Variants in RNLS observed in about 807,000 individuals in gnomAD.
RNLS encodes renalase.
Under a neutral mutation model 39.8 loss-of-function variants are expected in RNLS, and 39 were observed. The ratio of observed to expected loss-of-function variants is 0.98; its 90% CI spans 0.76 to 1.28. The LOEUF (loss-of-function observed/expected upper bound fraction) is 1.28. Ranked by LOEUF, RNLS falls within the 50% of genes most tolerant of loss-of-function variation. RNLS has a pLI of 0.00. For synonymous variants in RNLS, 147 were observed against 150.7 expected (o/e 0.98, Z 0.18); for missense variants, 410 against 413.3 (o/e 0.99, Z 0.07).
chr10:88,237,738 A>G, the RNLS span, among the ~76,000 whole-genome samples: 56,288 of 152,018 alleles, frequency 0.37, 10,814 homozygotes, highest in Non-Finnish European at 0.42. Flanking sequence ...CTATCAATGA[A>G]CAAATCTATC....
rs551242324 is a variant in RNLS at position 88,330,029 on chromosome 10, C to T, written c.701-15388G>A. Among the ~76,000 whole-genome samples, 10 of 147,128 alleles carry T rather than the reference C, an allele frequency of 6.8e-5. No homozygotes were observed. The South Asian group carries it at 1.3e-3, about 19-fold the overall frequency. ...TTTTTTTGTTGTTGTTCTTGTTGGA[C>T]GACTATTGCTCATAATTGCATGGTT... On this transcript the variant is annotated intron_variant, in intron 5 of 6. Coordinates refer to ENST00000331772, the MANE Select transcript of RNLS (RefSeq NM_001031709.3).
chr10:88,254,258 G>A, the RNLS span, among the ~76,000 whole-genome samples: 1 of 152,192 alleles, frequency 6.6e-6, no homozygotes, highest in African/African-American at 2.4e-5. Context: ...TGGTGTAACT[G>A]TGACCCTGCC....
At chr10:88,354,089 T>C (rs1848950486) in intron 5 of RNLS, among the ~76,000 whole-genome samples, 1 of 152,212 alleles carries the variant, frequency 6.6e-6, no homozygotes, top group Non-Finnish European at 1.5e-5. Context: ...TCCATCCCTT[T>C]ATTTTGAGCC....
downstream of RNLS, among the ~76,000 whole-genome samples, chr10:88,271,456 T>C (rs1842647734): frequency 6.6e-6 from 1 of 152,218 alleles, no homozygotes; most frequent in South Asian, 2.1e-4. Context: ...CAACACTGTT[T>C]ATGACTCACC....
At chr10:88,329,389 A>G (rs1846908838) in intron 5 of RNLS, among the ~76,000 whole-genome samples, 1 of 151,992 alleles carries the variant, frequency 6.6e-6, no homozygotes, top group South Asian at 2.1e-4. Context: ...GGTCCTTTGC[A>G]GTTAATTTTT....
intron 6 of RNLS, among the ~76,000 whole-genome samples, chr10:88,287,455 TATTTA>T (rs769868495): frequency 2.0e-5 from 3 of 152,170 alleles, no homozygotes; most frequent in Non-Finnish European, 4.4e-5. Context: ...CAAGTTGGAT[TATTTA>T]ATTTGTCAGT....
At chr10:88,177,219 A>G in the RNLS span, among the ~76,000 whole-genome samples, 2 of 152,058 alleles carry the variant, frequency 1.3e-5, no homozygotes, top group African/African-American at 4.8e-5. Context: ...TTATGCAAAT[A>G]TTTATTTGTG....
the RNLS span, among the ~76,000 whole-genome samples, chr10:88,175,077 T>C: frequency 6.6e-6 from 1 of 152,194 alleles, no homozygotes; most frequent in Non-Finnish European, 1.5e-5. Context: ...AATTATCCTT[T>C]GTATTTCTGT....
intron 4 of RNLS, among the ~76,000 whole-genome samples, chr10:88,543,529 C>T (rs929268186): frequency 6.6e-6 from 1 of 152,008 alleles, no homozygotes; most frequent in South Asian, 2.1e-4. Flanking sequence ...AAAGTTTAAT[C>T]TGATTAAAAA....
At chr10:88,578,816 A>G (rs1850356557) in intron 3 of RNLS, among the ~76,000 whole-genome samples, 1 of 152,178 alleles carries the variant, frequency 6.6e-6, no homozygotes, top group African/African-American at 2.4e-5. Context: ...GATAGATGCA[A>G]TGTATTCAAA....
At chr10:88,551,873 A>G (rs1848620275) in intron 4 of RNLS, among the ~76,000 whole-genome samples, 1 of 152,184 alleles carries the variant, frequency 6.6e-6, no homozygotes, top group African/African-American at 2.4e-5. Context: ...ATGGGTACTC[A>G]TAAGTTGGAG....
the RNLS span, among the ~76,000 whole-genome samples, chr10:88,226,402 T>C: frequency 6.6e-6 from 1 of 152,162 alleles, no homozygotes; most frequent in Non-Finnish European, 1.5e-5. Context: ...ATCTAAGACT[T>C]ATGAGGTCCC....
intron 4 of RNLS, among the ~76,000 whole-genome samples, chr10:88,475,853 T>TA (rs1843794801): frequency 6.6e-6 from 1 of 152,236 alleles, no homozygotes; most frequent in African/African-American, 2.4e-5. Context: ...TTTCAAAAAT[T>TA]AAAAAATTAA....
At chr10:88,203,368 GTA>G in the RNLS span, among the ~76,000 whole-genome samples, 44 of 1,764 alleles carry the variant, frequency 0.025, 5 homozygotes, top group South Asian at 0.074. Context: ...GTATGTGTGT[GTA>G]TATATATATA....
At chr10:88,179,619 A>G in the RNLS span, among the ~76,000 whole-genome samples, 1 of 152,232 alleles carries the variant, frequency 6.6e-6, no homozygotes, top group Non-Finnish European at 1.5e-5. Context: ...GGAAATATAG[A>G]GATTAAATAA....
chr10:88,493,204 G>A (rs891654990), intron 4 of RNLS, among the ~76,000 whole-genome samples: 1 of 151,884 alleles, frequency 6.6e-6, no homozygotes, highest in Non-Finnish European at 1.5e-5. Context: ...ATTTAAAATG[G>A]ATAATAAATG....
chr10:88,294,436 G>C (rs1843918227), intron 6 of RNLS, among the ~76,000 whole-genome samples: 1 of 152,034 alleles, frequency 6.6e-6, no homozygotes, highest in Non-Finnish European at 1.5e-5. Flanking sequence ...GGACATGAAA[G>C]TTGAAAACAG....
chr10:88,331,576 G>A (rs1456037746), intron 5 of RNLS, among the ~76,000 whole-genome samples: 1 of 152,196 alleles, frequency 6.6e-6, no homozygotes, highest in Non-Finnish European at 1.5e-5. Context: ...TACTATTGAT[G>A]TGTGTGCAAA....
intron 6 of RNLS, among the ~76,000 whole-genome samples, chr10:88,288,393 TAAAAC>T (rs1843432372): frequency 1.3e-5 from 2 of 152,040 alleles, no homozygotes; most frequent in Admixed American, 1.3e-4. Flanking sequence ...CTCGATGAAG[TAAAAC>T]AAAACAAAAA....
Sources: gnomAD v4.1 joint callset for allele counts (sites outside exome capture counted in the v4.1 genomes callset) on GRCh38, gnomAD v4.1.1 for gene constraint, MANE v1.5 for transcripts, NCBI Gene and HGNC (gene_info 2026-07-23, HGNC 2026-07-21) for gene names.